Variants in HDAC10 observed in about 807,000 individuals in gnomAD.
HDAC10 encodes histone deacetylase 10.
Under a neutral mutation model 82.3 loss-of-function variants are expected in HDAC10, and 90 were observed. That is an observed-to-expected ratio of 1.09 (90% CI 0.92 to 1.30). The LOEUF (loss-of-function observed/expected upper bound fraction) is 1.30. HDAC10 is among the 50% of genes most tolerant of loss of function. The pLI is 0.00. For synonymous variants in HDAC10, 456 were observed against 391.7 expected (o/e 1.16, Z -1.94); for missense variants, 934 against 876.3 (o/e 1.07, Z -0.83).
Position 50,249,845 on chromosome 22 carries a change from C to G in HDAC10, c.494+15G>C. ...TGGCCTGGGCCCACCCCCCTGCAGC[C>G]AGCCTGGCACACACCTGTGTAGCCC... On this transcript the variant is annotated intron_variant, in intron 5 of 19. Transcript: ENST00000216271. This position sits in a 1 kb window ranked among gnomAD's most constrained non-coding sequence, Gnocchi z 4.4. The G allele has an allele frequency of 6.2e-7, 1 of 1,610,612 alleles. No individual in the cohort carries two copies.
chr22:50,245,215 G>C lies in HDAC10; in HGVS notation c.*292C>G, dbSNP rs1026714775. 8 of 562,556 alleles carry C rather than the reference G, an allele frequency of 1.4e-5. No homozygotes were observed. The highest frequency in any genetic ancestry group is 1.3e-4 in the Admixed American group (4 of 30,420). The allele number at this position is 562,556 out of a possible 1,614,324, so 34.8% of individuals were successfully genotyped here. On this transcript the variant is annotated 3_prime_UTR_variant, in exon 20 of 20. Coordinates refer to ENST00000216271, the MANE Select transcript of HDAC10 (RefSeq NM_032019.6). ...TGAGCGATGTTTACTAACGGCGCAA[G>C]GGCGGGGAGCGAAGCGCAGCGGGGC...
chr22:50,247,375 C>T (rs531353756), intron 14 of HDAC10: 24 of 337,844 alleles, frequency 7.1e-5, no homozygotes, highest in Admixed American at 3.6e-4. Flanking sequence ...TCAAGCGTTT[C>T]TCCCACCTTG....
In HDAC10 at chr22:50,249,711, C is replaced by G; in HGVS notation, c.495-8G>C. On this transcript the variant is annotated splice_region_variant and splice_polypyrimidine_tract_variant and intron_variant, in intron 5 of 19. Transcript: ENST00000216271. The surrounding 1 kb of genome is among the most constrained non-coding windows in gnomAD (Gnocchi z 4.4). ...CAGTCCACGACGAGGATCCTGGGTA[C>G]AGACAGCGCTGGTGGCAAAGGGGCA... The G allele has an allele frequency of 3.1e-6, 5 of 1,612,660 alleles. No homozygotes were observed. Among genetic ancestry groups the G allele is most frequent in the Non-Finnish European group, 4.2e-6 (5 of 1,179,926 alleles).
In HDAC10 at chr22:50,250,355, G is replaced by A. The variant is rs543163235; in HGVS notation, c.291+72C>T. The A allele has an allele frequency of 3.9e-5, 56 of 1,447,712 alleles. No homozygotes were observed. In the African/African-American group the frequency reaches 5.6e-4, roughly 14 times the overall value. The allele number at this position is 1,447,712 out of a possible 1,614,324, so 89.7% of individuals were successfully genotyped here. ...CCAGGGGACACTGGCTGGGGTTGGC[G>A]GCCGTGGCTGTGAACGCTCAAAGGC... On this transcript the variant is annotated intron_variant, in intron 3 of 19. Transcript: ENST00000216271.
Position 50,249,633 on chromosome 22 carries a change from A to C in HDAC10, c.563+2T>G. 1 of 1,612,870 alleles carries C rather than the reference A, an allele frequency of 6.2e-7. No individual in the cohort carries two copies. Among genetic ancestry groups the C allele is most frequent in the South Asian group, 1.1e-5 (1 of 91,086 alleles). On this transcript the variant is annotated splice_donor_variant, in intron 6 of 19. Coordinates refer to ENST00000216271, the MANE Select transcript of HDAC10 (RefSeq NM_032019.6). LOFTEE classifies it high-confidence loss of function. This position sits in a 1 kb window ranked among gnomAD's most constrained non-coding sequence, Gnocchi z 4.4. ...AAGGGTGGTTTCCGCACCCCTGCTC[A>C]CCTGGGGTCATCCTCAAAGAGATAC...
In HDAC10 at chr22:50,249,845, C is replaced by T; in HGVS notation, c.494+15G>A. ...TGGCCTGGGCCCACCCCCCTGCAGC[C>T]AGCCTGGCACACACCTGTGTAGCCC... is the stretch of plus-strand genomic sequence containing the variant. On this transcript the variant is annotated intron_variant, in intron 5 of 19. Coordinates refer to ENST00000216271, the MANE Select transcript of HDAC10 (RefSeq NM_032019.6). The surrounding 1 kb of genome is among the most constrained non-coding windows in gnomAD (Gnocchi z 4.4). 1 of 1,610,612 alleles carries T rather than the reference C, an allele frequency of 6.2e-7. No homozygotes were observed. The highest frequency in any genetic ancestry group is 1.7e-4 in the Middle Eastern group (1 of 6,054).
chr22:50,248,489 G>C lies in HDAC10; in HGVS notation c.907-17C>G. 1 of 1,597,052 alleles carries C rather than the reference G, an allele frequency of 6.3e-7. No homozygotes were observed. The highest frequency in any genetic ancestry group is 8.5e-7 in the Non-Finnish European group (1 of 1,175,220). On this transcript the variant is annotated splice_polypyrimidine_tract_variant and intron_variant, in intron 10 of 19. Transcript: ENST00000216271. This position sits in a 1 kb window ranked among gnomAD's most constrained non-coding sequence, Gnocchi z 5.4. ...GTAGCCGCCCTGGGAGGAGGGTGGAGACATGATTGGGGCAGAGATATCACT... is the reference window on the plus strand; with the variant it reads ...GTAGCCGCCCTGGGAGGAGGGTGGACACATGATTGGGGCAGAGATATCACT...
chr22:50,248,631 G>A lies in HDAC10; in HGVS notation c.906+31C>T. On this transcript the variant is annotated intron_variant, in intron 10 of 19. Transcript: ENST00000216271. This position sits in a 1 kb window ranked among gnomAD's most constrained non-coding sequence, Gnocchi z 5.4. ...TCCTGACCCCCAGGCCTCTGGCCCA[G>A]AGACCCTCCCTGTGTGCCCTCCCCA... 6.8e-7 allele frequency: 1 copy of A among 1,481,166 alleles called. No individual in the cohort carries two copies. The allele number at this position is 1,481,166 out of a possible 1,614,324, so 91.8% of individuals were successfully genotyped here.
Position 50,249,734 on chromosome 22 carries a change from G to T in HDAC10, c.495-31C>A. ...TACAGACAGCGCTGGTGGCAAAGGG[G>T]CAGGGCCTCCCACCTCCAGGAGCCC... On this transcript the variant is annotated intron_variant, in intron 5 of 19. Transcript: ENST00000216271. The surrounding 1 kb of genome is among the most constrained non-coding windows in gnomAD (Gnocchi z 4.4). 1 of 1,611,826 alleles carries T rather than the reference G, an allele frequency of 6.2e-7. No homozygotes were observed. Among genetic ancestry groups the T allele is most frequent in the Non-Finnish European group, 8.5e-7 (1 of 1,179,354 alleles).
chr22:50,250,617 C>G (rs1461749250), intron 2 of HDAC10, 94 bp from the exon 3 acceptor site: 5 of 1,320,418 alleles, frequency 3.8e-6, no homozygotes, highest in Non-Finnish European at 5.3e-6. Flanking sequence ...GGAGTGGCCA[C>G]CCTGTCACTT....
At chr22:50,250,557 T>G (rs917888508) in intron 2 of HDAC10, 34 bp from the exon 3 acceptor site, 1 of 1,407,080 alleles carries the variant, frequency 7.1e-7, no homozygotes, top group Non-Finnish European at 1.0e-6. Context: ...AGAGGCAGGG[T>G]CACCAGCAGG....
In HDAC10 at chr22:50,248,488, A is replaced by C; in HGVS notation, c.907-16T>G. On this transcript the variant is annotated splice_polypyrimidine_tract_variant and intron_variant, in intron 10 of 19. Transcript: ENST00000216271. This position sits in a 1 kb window ranked among gnomAD's most constrained non-coding sequence, Gnocchi z 5.4. ...GGTAGCCGCCCTGGGAGGAGGGTGG[A>C]GACATGATTGGGGCAGAGATATCAC... 1 of 1,598,692 alleles carries C rather than the reference A, an allele frequency of 6.3e-7. No homozygotes were observed. The highest frequency in any genetic ancestry group is 1.3e-5 in the African/African-American group (1 of 74,844).
intron 19 of HDAC10, 70 bp downstream of exon 19, chr22:50,245,605 G>A: frequency 6.3e-7 from 1 of 1,596,812 alleles, no homozygotes; most frequent in Non-Finnish European, 8.6e-7. Context: ...CCCCTGCCCT[G>A]CCCTCCCCAC....
chr22:50,246,295 C>T lies in HDAC10; in HGVS notation c.1650+3G>A, dbSNP rs764730468. ...TGCCTTGCCGCGTGGCATGGTCACT[C>T]ACCACTGGCAGTGGCGTGGAGACAT... On this transcript the variant is annotated splice_donor_region_variant and intron_variant, in intron 17 of 19. Transcript: ENST00000216271. 110 of 1,612,104 alleles carry T rather than the reference C, an allele frequency of 6.8e-5. 1 individual carries two copies. Among genetic ancestry groups the T allele is most frequent in the Non-Finnish European group, 8.5e-5 (100 of 1,179,212 alleles).
Position 50,246,903 on chromosome 22 carries a change from G to A in HDAC10, c.1486C>T (p.Arg496Trp), listed in dbSNP as rs61748567. ...TGGGCTCCGTGGGACAGGCCTCTCC[G>A]AACAGCCACATCCAGGGTGGCTGCT... ...AAAATLDVAV[R>W]RGLSHGAQRL... The change falls in exon 15 of 20, where the codon CGG becomes TGG. Residue 496 changes from arginine (R) to tryptophan (W), a missense_variant. Transcript: ENST00000216271. 24,531 of 1,612,092 alleles carry A rather than the reference G, an allele frequency of 0.015. 217 individuals are homozygous for A. The highest frequency in any genetic ancestry group is 0.018 in the Non-Finnish European group (21,673 of 1,179,162).
rs753366921 is a variant in HDAC10, at chr22:50,250,920, G to C, written c.60-15C>G. On this transcript the variant is annotated splice_polypyrimidine_tract_variant and intron_variant, in intron 1 of 19. Coordinates refer to ENST00000216271, the MANE Select transcript of HDAC10 (RefSeq NM_032019.6). ...CGCACTCGGGGCTGGGGCAGATGAGGAGCTCAGTTCAGAGGTCCCTCCCCG... is the reference window on the plus strand; with the variant it reads ...CGCACTCGGGGCTGGGGCAGATGAGCAGCTCAGTTCAGAGGTCCCTCCCCG... The C allele has an allele frequency of 3.7e-6, 6 of 1,606,522 alleles. No individual in the cohort carries two copies. In the African/African-American group the frequency reaches 4.0e-5, roughly 11 times the overall value.
chr22:50,250,642 G>A (rs933314753), intron 2 of HDAC10, 119 bp from the exon 3 acceptor site: 5 of 1,324,228 alleles, frequency 3.8e-6, no homozygotes, highest in Non-Finnish European at 5.2e-6. Context: ...AAGCCTGTGA[G>A]CCCACCCGAG....
Position 50,249,515 on chromosome 22 carries a change from C to A in HDAC10, c.564-61G>T. On this transcript the variant is annotated intron_variant, in intron 6 of 19. Coordinates refer to ENST00000216271, the MANE Select transcript of HDAC10 (RefSeq NM_032019.6). This position sits in a 1 kb window ranked among gnomAD's most constrained non-coding sequence, Gnocchi z 4.4. ...CAGGACCCTCAACAGCTCTACAGCT[C>A]CCTGTAGAACGCTGACCCCTGAGCA... is the stretch of plus-strand genomic sequence containing the variant. 1 of 1,607,062 alleles carries A rather than the reference C, an allele frequency of 6.2e-7. No individual in the cohort carries two copies. Among genetic ancestry groups the A allele is most frequent in the Non-Finnish European group, 8.5e-7 (1 of 1,175,814 alleles).
Position 50,249,043 on chromosome 22 carries a change from C to T in HDAC10, c.756+60G>A. The T allele has an allele frequency of 3.4e-6, 5 of 1,485,956 alleles. No individual in the cohort carries two copies. Among genetic ancestry groups the T allele is most frequent in the Non-Finnish European group, 4.6e-6 (5 of 1,085,536 alleles). 92.0% of individuals were successfully genotyped at this position (1,485,956 alleles called of 1,614,324 possible). A position where few individuals can be genotyped will look rare whatever the true frequency, so the allele number is the denominator to read the frequency against. On this transcript the variant is annotated intron_variant, in intron 8 of 19. Transcript: ENST00000216271. This position sits in a 1 kb window ranked among gnomAD's most constrained non-coding sequence, Gnocchi z 4.4. ...CCCTCCTCCTGCCTTCACTGGCGCA[C>T]TCCAGGCACAAGGTCCCCCTCCCAC...
Sources: allele counts gnomAD v4.1 joint callset, GRCh38; gene constraint gnomAD v4.1.1; non-coding constraint Gnocchi (gnomAD v3.1); transcripts MANE v1.5; gene names NCBI Gene and HGNC (gene_info 2026-07-23, HGNC 2026-07-21).